BTBD10: variants seen among roughly 807,000 people sequenced by gnomAD.
The protein encoded by BTBD10 is BTB domain containing 10.
Under a neutral mutation model 53.2 loss-of-function variants are expected in BTBD10, and 21 were observed. The ratio of observed to expected loss-of-function variants is 0.39; its 90% CI spans 0.28 to 0.57. The LOEUF (loss-of-function observed/expected upper bound fraction) is 0.57. BTBD10 is among the 20% of genes least tolerant of loss of function. The pLI, the probability that BTBD10 is intolerant of heterozygous loss-of-function variation, is 0.53. For missense variants in BTBD10, 360 were observed against 594.7 expected (o/e 0.61, Z 4.10); for synonymous variants, 149 against 192.7 (o/e 0.77, Z 1.88).
At chr11:13,414,860 A>G (rs1591119595) in intron 5 of BTBD10, among the ~76,000 whole-genome samples, 4 of 141,336 alleles carry the variant, frequency 2.8e-5, no homozygotes, top group Admixed American at 2.2e-4. Context: ...AAAAAAAAAA[A>G]AAAAAGAAAA....
intron 8 of BTBD10, among the ~76,000 whole-genome samples, chr11:13,392,931 C>T (rs1171431907): frequency 2.0e-5 from 3 of 152,192 alleles, no homozygotes; most frequent in Non-Finnish European, 2.9e-5. Context: ...GGAGTTAAGG[C>T]CACATCCAAT....
intron 2 of BTBD10, chr11:13,440,220 A>G: frequency 7.5e-7 from 1 of 1,338,340 alleles, no homozygotes; most frequent in Non-Finnish European, 9.7e-7. Context: ...ATTTTCTCAC[A>G]GACACTGACT....
chr11:13,439,794 G>A (rs1007727492), intron 2 of BTBD10: 18 of 1,057,088 alleles, frequency 1.7e-5, no homozygotes, highest in East Asian at 5.5e-5. Context: ...ATGAAACAAA[G>A]GTCACACATA....
chr11:13,397,673 G>A (rs9795329), intron 8 of BTBD10, among the ~76,000 whole-genome samples: 16,045 of 152,100 alleles, frequency 0.11, 947 homozygotes, highest in Middle Eastern at 0.15. Context: ...TCTCTTGTGG[G>A]CATTTAGTGC....
intron 8 of BTBD10, among the ~76,000 whole-genome samples, chr11:13,391,112 G>C (rs772158779): frequency 9.2e-5 from 14 of 152,016 alleles, no homozygotes; most frequent in East Asian, 1.9e-4. Flanking sequence ...ACTACCAATG[G>C]TTTCCTCGTG....
At position 13,405,767 on chromosome 11, in the gene BTBD10, T is replaced by C. The variant is rs1452430467; in HGVS notation, c.898A>G (p.Ser300Gly). ...EEMILPLMVASAQSGERECHI... is the reference protein window; with the variant it reads ...EEMILPLMVAGAQSGERECHI... ...CATTCCCGTTCCCCACTCTGGGCACTAGCTACCATGAGAGGGAGGATCATT... is the reference window on the plus strand; with the variant it reads ...CATTCCCGTTCCCCACTCTGGGCACCAGCTACCATGAGAGGGAGGATCATT... The change falls in exon 7 of 9, where the codon AGT (serine) becomes GGT (glycine). Residue 300 changes from serine to glycine, a missense_variant. Coordinates refer to ENST00000278174, the MANE Select transcript of BTBD10 (RefSeq NM_032320.7). The C allele has an allele frequency of 6.2e-7, 1 of 1,613,846 alleles. No individual in the cohort carries two copies. The highest frequency in any genetic ancestry group is 8.5e-7 in the Non-Finnish European group (1 of 1,179,778).
At chr11:13,457,548 A>C (rs1315735120) in intron 1 of BTBD10, among the ~76,000 whole-genome samples, 1 of 152,246 alleles carries the variant, frequency 6.6e-6, no homozygotes, top group Non-Finnish European at 1.5e-5. Context: ...AAACTTAAAA[A>C]TATGTACATA....
At chr11:13,404,096 G>A (rs1240896812) in intron 7 of BTBD10, among the ~76,000 whole-genome samples, 2 of 152,066 alleles carry the variant, frequency 1.3e-5, no homozygotes, top group Non-Finnish European at 2.9e-5. Flanking sequence ...AAGAAAATAC[G>A]TATATAAACT....
intron 6 of BTBD10, among the ~76,000 whole-genome samples, chr11:13,408,922 GGA>G (rs1949883025): frequency 2.6e-5 from 4 of 152,230 alleles, no homozygotes; most frequent in African/African-American, 9.6e-5. Flanking sequence ...AGTCAGGTCA[GGA>G]TTATAGCACT....
intron 8 of BTBD10, among the ~76,000 whole-genome samples, chr11:13,394,474 C>T (rs1218606703): frequency 6.6e-6 from 1 of 152,168 alleles, no homozygotes; most frequent in African/African-American, 2.4e-5. Flanking sequence ...TCCTGTTAAG[C>T]CTGCGGAATT....
intron 1 of BTBD10, among the ~76,000 whole-genome samples, chr11:13,448,645 C>T (rs1462818329): frequency 6.6e-6 from 1 of 152,138 alleles, no homozygotes; most frequent in Non-Finnish European, 1.5e-5. Context: ...CGAGTGCTGC[C>T]TTTATTTAAG....
In BTBD10 at chr11:13,419,584, C is replaced by T; in HGVS notation, c.460G>A (p.Glu154Lys). ...KTAGEMVFVY[E>K]NAKEGARNIR... ...TTCCGAGCTCCTTCTTTTGCATTTT[C>T]ATATACAAACACCATCTCCCCAGCT... Residue 154 changes from glutamate (E) to lysine (K), a missense_variant, in exon 4 of 9, where the codon GAA becomes AAA. Physicochemically the swap from Glu to Lys is moderately conservative, Grantham distance 56. Around this residue, in one of 6 missense-constraint regions of BTBD10, gnomAD observed 109 missense variants for 118.6 expected, o/e 0.92. Transcript: ENST00000278174. 2 of 1,614,084 alleles carry T rather than the reference C, an allele frequency of 1.2e-6. No individual in the cohort carries two copies. The highest frequency in any genetic ancestry group is 1.7e-6 in the Non-Finnish European group (2 of 1,179,976).
intron 2 of BTBD10, among the ~76,000 whole-genome samples, chr11:13,426,659 T>A (rs1340579656): frequency 1.3e-5 from 2 of 152,128 alleles, no homozygotes; most frequent in Non-Finnish European, 2.9e-5. Context: ...TATACTGTGA[T>A]AAGTTAAAGA....
chr11:13,442,781 T>C (rs532381836), intron 2 of BTBD10, among the ~76,000 whole-genome samples: 80 of 152,324 alleles, frequency 5.3e-4, no homozygotes, highest in African/African-American at 1.8e-3. Context: ...TTCTCATTAA[T>C]ACTTGCTATT....
intron 8 of BTBD10, among the ~76,000 whole-genome samples, chr11:13,391,554 A>G (rs1403871384): frequency 6.6e-6 from 1 of 152,366 alleles, no homozygotes; most frequent in Non-Finnish European, 1.5e-5. Flanking sequence ...AGTGCCTAGC[A>G]TAGTACCTGA....
chr11:13,388,771 TGAG>T lies in BTBD10; in HGVS notation c.*57_*59del, dbSNP rs1163857267. ...AGAAGAGTGGCCTTGCAGTGCAGAA[TGAG>T]GAGAGTACAACGTCACTGTGAAGAG... On this transcript the variant is annotated 3_prime_UTR_variant, in exon 9 of 9. Transcript: ENST00000278174. 3.3e-6 allele frequency: 5 copies of T among 1,513,618 alleles called. No homozygotes were observed. Among genetic ancestry groups the T allele is most frequent in the East Asian group, 2.3e-5 (1 of 44,204 alleles). 93.8% of individuals were successfully genotyped at this position (1,513,618 alleles called of 1,614,324 possible).
In BTBD10 at chr11:13,403,284, A is replaced by C; in HGVS notation, c.1007-6T>G. On this transcript the variant is annotated splice_polypyrimidine_tract_variant and splice_region_variant and intron_variant, in intron 7 of 8. Transcript: ENST00000278174. ...TAATTTTGTGCTATAAATAACTAGA[A>C]ACAAAAAGAAAAATATTATTGTATT... 1 of 1,320,292 alleles carries C rather than the reference A, an allele frequency of 7.6e-7. No individual in the cohort carries two copies. Among genetic ancestry groups the C allele is most frequent in the Non-Finnish European group, 1.0e-6 (1 of 962,646 alleles). The allele number at this position is 1,320,292 out of a possible 1,614,324, so 81.8% of individuals were successfully genotyped here. A position where few individuals can be genotyped will look rare whatever the true frequency, so the allele number is the denominator to read the frequency against.
At chr11:13,416,169 T>C (rs1377268079) in intron 5 of BTBD10, among the ~76,000 whole-genome samples, 1 of 151,174 alleles carries the variant, frequency 6.6e-6, no homozygotes, top group African/African-American at 2.4e-5. Context: ...CTGGGCAACA[T>C]GGCGAAACCT....
At chr11:13,449,024 T>C (rs1010652963) in intron 1 of BTBD10, among the ~76,000 whole-genome samples, 1 of 152,142 alleles carries the variant, frequency 6.6e-6, no homozygotes, top group African/African-American at 2.4e-5. Context: ...GCCTGTTGGC[T>C]AGGGGCAGGC....
Sources: gnomAD v4.1 joint callset for allele counts (sites outside exome capture counted in the v4.1 genomes callset) on GRCh38, gnomAD v4.1.1 for gene constraint, gnomAD v4.1.1 regional missense constraint, MANE v1.5 for transcripts, NCBI Gene and HGNC (gene_info 2026-07-23, HGNC 2026-07-21) for gene names.